The following SNCAIP variants were observed in gnomAD, a reference collection of about 807,000 sequenced individuals.
The protein encoded by SNCAIP is synuclein alpha interacting protein.
A neutral mutation model predicts 86.7 loss-of-function variants in SNCAIP; 43 were observed. The ratio of observed to expected loss-of-function variants is 0.50; its 90% confidence interval spans 0.39 to 0.64. The LOEUF (loss-of-function observed/expected upper bound fraction) is 0.64, where lower values mean the gene tolerates loss of function less well. Among genes scored for constraint, SNCAIP ranks in the 30% least tolerant of loss-of-function variants. The pLI, the probability that SNCAIP is intolerant of heterozygous loss-of-function variation, is 0.00. For synonymous variants in SNCAIP, 417 were observed against 427.2 expected (o/e 0.98, Z 0.29); for missense variants, 981 against 1,103.1 (o/e 0.89, Z 1.57).
chr5:122,446,356 T>C (rs1042272265), intron 8 of SNCAIP, among the ~76,000 whole-genome samples: 1 of 152,242 alleles, frequency 6.6e-6, no homozygotes, highest in Non-Finnish European at 1.5e-5. Context: ...TCCAAAGGAA[T>C]GTTTTTTCTA....
At chr5:122,404,121 C>T (rs569584860) in intron 3 of SNCAIP, among the ~76,000 whole-genome samples, 5 of 152,240 alleles carry the variant, frequency 3.3e-5, no homozygotes, top group Non-Finnish European at 7.4e-5. Context: ...GAGATCATCT[C>T]GGCATCTCCA....
At chr5:122,342,792 C>T (rs1213639032) in intron 1 of SNCAIP, among the ~76,000 whole-genome samples, 4 of 152,184 alleles carry the variant, frequency 2.6e-5, no homozygotes, top group African/African-American at 7.2e-5. Context: ...ATAACCTTAA[C>T]CTTAGCTTCC....
At chr5:122,407,915 G>A (rs1421132184) in intron 3 of SNCAIP, among the ~76,000 whole-genome samples, 2 of 152,138 alleles carry the variant, frequency 1.3e-5, no homozygotes, top group African/African-American at 2.4e-5. Context: ...ATCCATAAAG[G>A]TTAATGCTTT....
intron 1 of SNCAIP, among the ~76,000 whole-genome samples, chr5:122,362,539 G>A (rs960704103): frequency 5.9e-5 from 9 of 152,196 alleles, no homozygotes; most frequent in African/African-American, 2.2e-4. Flanking sequence ...AATTGTAGTG[G>A]ATAAGAACAA....
chr5:122,412,276 AT>A (rs1774292111), intron 3 of SNCAIP, among the ~76,000 whole-genome samples: 1 of 152,110 alleles, frequency 6.6e-6, no homozygotes, highest in Non-Finnish European at 1.5e-5. Context: ...TTAAAAAGTC[AT>A]GGGAAACTCC....
intron 1 of SNCAIP, among the ~76,000 whole-genome samples, chr5:122,353,823 C>T (rs1049889597): frequency 9.9e-5 from 15 of 151,918 alleles, no homozygotes; most frequent in Non-Finnish European, 2.1e-4. Flanking sequence ...TTATCAGCAG[C>T]GTGAAAATGG....
intron 3 of SNCAIP, among the ~76,000 whole-genome samples, chr5:122,409,347 G>A (rs529546589): frequency 3.3e-5 from 5 of 152,268 alleles, no homozygotes; most frequent in Non-Finnish European, 5.9e-5. Context: ...CTCAATTCAT[G>A]CTGCTTTAAA....
At chr5:122,430,593 G>A (rs1778214187) in intron 5 of SNCAIP, among the ~76,000 whole-genome samples, 1 of 152,124 alleles carries the variant, frequency 6.6e-6, no homozygotes, top group Admixed American at 6.6e-5. Flanking sequence ...TTAATCACGA[G>A]GAGATACGTA....
chr5:122,398,780 G>C (rs1771164209), intron 2 of SNCAIP, among the ~76,000 whole-genome samples: 1 of 152,110 alleles, frequency 6.6e-6, no homozygotes, highest in African/African-American at 2.4e-5. Context: ...GTCGGCTCCA[G>C]TTTTCAGGAA....
In SNCAIP at chr5:122,313,342, C is replaced by T. The variant is rs897087579; in HGVS notation, c.-47+1058C>T. On this transcript the variant is annotated intron_variant, in intron 1 of 10. Transcript: ENST00000261368. ...TGCAGGACAGTCTCGCCACACACCA[C>T]GTGCCGTGGAGCCTGGCCAGGGTGC... 2.6e-5 allele frequency among the ~76,000 whole-genome samples: 4 copies of T among 152,368 alleles called. No homozygotes were observed. In the East Asian group the frequency reaches 5.8e-4, roughly 22 times the overall value.
chr5:122,315,023 A>G lies in SNCAIP; in HGVS notation c.-47+2739A>G, dbSNP rs886678927. Among the ~76,000 whole-genome samples the G allele has an allele frequency of 3.3e-5, 5 of 152,366 alleles. No individual in the cohort carries two copies. In the East Asian group the frequency reaches 9.6e-4, roughly 29 times the overall value. On this transcript the variant is annotated intron_variant, in intron 1 of 10. Coordinates refer to ENST00000261368, the MANE Select transcript of SNCAIP (RefSeq NM_005460.4). ...GATGCTAAATAGTAATTGAAAAGGAATTCTGAGGAGAGAGTGATCAAGGTA... is the reference window on the plus strand; with the variant it reads ...GATGCTAAATAGTAATTGAAAAGGAGTTCTGAGGAGAGAGTGATCAAGGTA...
chr5:122,450,601 C>T lies in SNCAIP; in HGVS notation c.1754C>T (p.Ala585Val). 1 of 1,614,058 alleles carries T rather than the reference C, an allele frequency of 6.2e-7. No individual in the cohort carries two copies. The highest frequency in any genetic ancestry group is 8.5e-7 in the Non-Finnish European group (1 of 1,179,968). Reference protein sequence around the residue: ...KSPDADDDSVAKSKPGVQEGI... With the variant: ...KSPDADDDSVVKSKPGVQEGI... ...CCAGATGCAGATGATGATTCTGTAG[C>T]CAAAAGCAAGCCAGGAGTCCAAGAG... is the stretch of plus-strand genomic sequence containing the variant. The change falls in exon 10 of 11, where the codon GCC becomes GTC. Residue 585 changes from alanine (A) to valine (V), a missense_variant. Coordinates refer to ENST00000261368, the MANE Select transcript of SNCAIP (RefSeq NM_005460.4).
At chr5:122,323,631 C>T (rs1277214347) in intron 1 of SNCAIP, among the ~76,000 whole-genome samples, 2 of 152,132 alleles carry the variant, frequency 1.3e-5, no homozygotes, top group African/African-American at 2.4e-5. Context: ...ATAAGCATCA[C>T]GATGTGTGAG....
Position 122,346,512 on chromosome 5 carries a change from G to A in SNCAIP, c.-47+34228G>A, listed in dbSNP as rs986981071. ...GAGGGAGTAGAGCTTGTCTCAAATA[G>A]CTGATGCTTTTTGCAAAAGCGAAAT... On this transcript the variant is annotated intron_variant, in intron 1 of 10. Transcript: ENST00000261368. Among the ~76,000 whole-genome samples the A allele has an allele frequency of 2.0e-5, 3 of 152,164 alleles. No homozygotes were observed. The East Asian group carries it at 5.8e-4, about 30-fold the overall frequency.
intron 1 of SNCAIP, among the ~76,000 whole-genome samples, chr5:122,361,713 G>A (rs767445476): frequency 4.6e-5 from 7 of 152,284 alleles, no homozygotes; most frequent in Non-Finnish European, 8.8e-5. Context: ...AAAGGTCCCA[G>A]CATGATCATT....
At chr5:122,409,731 T>C (rs1178532380) in intron 3 of SNCAIP, among the ~76,000 whole-genome samples, 2 of 152,242 alleles carry the variant, frequency 1.3e-5, no homozygotes, top group Non-Finnish European at 2.9e-5. Context: ...AAATATGTGA[T>C]GTTCTAAGAT....
In SNCAIP at chr5:122,440,868, G is replaced by A. The variant is rs188763889; in HGVS notation, c.1422+114G>A. 1.8e-3 allele frequency: 1,744 copies of A among 989,210 alleles called. 7 individuals carry two copies. The highest frequency in any genetic ancestry group is 2.3e-3 in the Non-Finnish European group (1,465 of 639,834). 61.3% of individuals were successfully genotyped at this position (989,210 alleles called of 1,614,324 possible). A position where few individuals can be genotyped will look rare whatever the true frequency, so the allele number is the denominator to read the frequency against. ...GAATTAATTCACCTTTTGTATGGTC[G>A]TAGACAATAAGGAATTATTGCTCTA... On this transcript the variant is annotated intron_variant, in intron 7 of 10. Transcript: ENST00000261368.
At chr5:122,409,086 TA>T (rs34857169) in intron 3 of SNCAIP, among the ~76,000 whole-genome samples, 2,363 of 147,494 alleles carry the variant, frequency 0.016, 23 homozygotes, top group Admixed American at 0.028. Context: ...AAGTTATGTG[TA>T]AAAAAAAAAA....
rs1764183790 is a variant in SNCAIP, at chr5:122,371,143, G to C, written c.-46-19946G>C. 2.6e-5 allele frequency among the ~76,000 whole-genome samples: 4 copies of C among 151,958 alleles called. No individual in the cohort carries two copies. In the South Asian group the frequency reaches 6.2e-4, roughly 24 times the overall value. On this transcript the variant is annotated intron_variant, in intron 1 of 10. Transcript: ENST00000261368. ...AGCCGGGGCAACATAGTGAGACACTGTCTCTACAAAAAAAATTAAAAATTG... is the reference window on the plus strand; with the variant it reads ...AGCCGGGGCAACATAGTGAGACACTCTCTCTACAAAAAAAATTAAAAATTG...
Sources: gnomAD v4.1 joint callset for allele counts (sites outside exome capture counted in the v4.1 genomes callset) on GRCh38, gnomAD v4.1.1 for gene constraint, MANE v1.5 for transcripts, NCBI Gene and HGNC (gene_info 2026-07-23, HGNC 2026-07-21) for gene names.